Variants in ZNF676 observed in about 807,000 individuals in gnomAD.
The protein encoded by ZNF676 is zinc finger protein 676.
ZNF676 carries 4 observed loss-of-function variants against 6.0 expected under a neutral mutation model. That is an observed-to-expected ratio of 0.67 (90% CI 0.33 to 1.53). ZNF676 has a LOEUF of 1.53. Ranked by LOEUF, ZNF676 falls within the 40% of genes most tolerant of loss-of-function variation. The pLI is 0.06. For synonymous variants in ZNF676, 198 were observed against 223.1 expected (o/e 0.89, Z 1.00); for missense variants, 644 against 679.7 (o/e 0.95, Z 0.58).
the ZNF676 span, among the ~76,000 whole-genome samples, chr19:22,226,068 T>A: frequency 6.6e-6 from 1 of 152,134 alleles, no homozygotes; most frequent in Non-Finnish European, 1.5e-5. Context: ...AGCTATTTTT[T>A]ATATCTAAGT....
At chr19:22,253,655 C>A in the ZNF676 span, among the ~76,000 whole-genome samples, 3 of 151,784 alleles carry the variant, frequency 2.0e-5, no homozygotes, top group Admixed American at 1.3e-4. Flanking sequence ...ATCTAACTTG[C>A]CAGAATTAGA....
At position 22,180,238 on chromosome 19, in the gene ZNF676, A is replaced by G. The variant is rs778180958; in HGVS notation, c.1479T>C (p.Thr493=). Residue 493 remains threonine (T), a synonymous_variant, in exon 3 of 3, where the codon ACT becomes ACC. Coordinates refer to ENST00000397121, the MANE Select transcript of ZNF676 (RefSeq NM_001001411.3). The stretch of plus-strand genomic sequence containing the variant: ...CTCCAGTATGAATTATCTTATGTTT[A>G]GTAAGGATTGAGAACGTACTAAAGC... ...GKGFSTFSIL[T]KHKIIHTGEK... 13 of 1,613,388 alleles carry G rather than the reference A, an allele frequency of 8.1e-6. No individual in the cohort carries two copies. The East Asian group carries it at 2.5e-4, about 30-fold the overall frequency.
chr19:22,245,086 T>C, the ZNF676 span: 53 of 152,252 alleles, frequency 3.5e-4, no homozygotes, highest in African/African-American at 1.1e-3. Context: ...AATTTCTCGT[T>C]TGTCAGAGCC....
chr19:22,232,927 A>G, the ZNF676 span, among the ~76,000 whole-genome samples: 1 of 152,200 alleles, frequency 6.6e-6, no homozygotes, highest in African/African-American at 2.4e-5. Context: ...GAAGAAATAG[A>G]CACAGCAACT....
chr19:22,217,585 C>T (rs2024205540), upstream of ZNF676, among the ~76,000 whole-genome samples: 1 of 137,604 alleles, frequency 7.3e-6, no homozygotes, highest in Admixed American at 7.9e-5. Flanking sequence ...GGGTTTGTAT[C>T]CCCTAGTTCT....
At chr19:22,242,477 T>TCC in the ZNF676 span, among the ~76,000 whole-genome samples, 1 of 151,964 alleles carries the variant, frequency 6.6e-6, no homozygotes, top group South Asian at 2.1e-4. Context: ...TCACAAGGCC[T>TCC]CCTGTGGACA....
At chr19:22,194,303 C>T (rs1179005333) in intron 1 of ZNF676, among the ~76,000 whole-genome samples, 4 of 152,258 alleles carry the variant, frequency 2.6e-5, no homozygotes, top group Admixed American at 6.5e-5. Context: ...TGCAGAAATG[C>T]TTACCATAAT....
intron 2 of ZNF676, among the ~76,000 whole-genome samples, chr19:22,190,828 ATTAT>A (rs2023898458): frequency 6.6e-6 from 1 of 151,732 alleles, no homozygotes; most frequent in Admixed American, 6.6e-5. Context: ...AAAAGCAGAA[ATTAT>A]AAAGCAATTA....
In ZNF676 at chr19:22,180,393, T is replaced by A. The variant is rs1258634961; in HGVS notation, c.1324A>T (p.Ile442Phe). The part of the protein sequence containing the change: ...WSSSLTEHKR[I>F]HAGEKPYKCE... ...TTGTAGGGTTTCTCTCCAGCATGAA[T>A]TCTCTTGTGTTCAGTAAGGCTTGAG... Residue 442 changes from isoleucine (I) to phenylalanine (F), a missense_variant, in exon 3 of 3, where the codon ATT becomes TTT. By Grantham distance (21) the Ile-to-Phe change is conservative. Coordinates refer to ENST00000397121, the MANE Select transcript of ZNF676 (RefSeq NM_001001411.3). The A allele has an allele frequency of 7.4e-6, 12 of 1,613,758 alleles. No individual in the cohort carries two copies. The highest frequency in any genetic ancestry group is 1.3e-5 in the African/African-American group (1 of 74,876).
At chr19:22,256,187 A>G in the ZNF676 span, among the ~76,000 whole-genome samples, 1 of 152,250 alleles carries the variant, frequency 6.6e-6, no homozygotes, top group Non-Finnish European at 1.5e-5. Flanking sequence ...GAGAAGCAGC[A>G]TATCAACTGT....
At chr19:22,182,647 G>A (rs1599709833) in intron 2 of ZNF676, among the ~76,000 whole-genome samples, 1 of 110,188 alleles carries the variant, frequency 9.1e-6, no homozygotes, top group African/African-American at 3.6e-5. Flanking sequence ...AATACCATCA[G>A]CAAATCTGTC....
At chr19:22,197,899 A>G (rs1333111069), upstream of ZNF676, among the ~76,000 whole-genome samples, 2 of 152,160 alleles carry the variant, frequency 1.3e-5, no homozygotes, top group Non-Finnish European at 2.9e-5. Flanking sequence ...CCCCCTCTGA[A>G]AGGTAAATTA....
chr19:22,210,085 C>T (rs576568181), intron 1 of ZNF676, among the ~76,000 whole-genome samples: 1 of 152,110 alleles, frequency 6.6e-6, no homozygotes, highest in African/African-American at 2.4e-5. Context: ...GGGAGGAGAC[C>T]TGGAATCAAA....
the ZNF676 span, among the ~76,000 whole-genome samples, chr19:22,253,353 G>GGTGT: frequency 2.8e-5 from 3 of 105,846 alleles, no homozygotes; most frequent in African/African-American, 1.2e-4. Context: ...TATGATAATG[G>GGTGT]GTGTGTGTGT....
chr19:22,255,506 G>C, the ZNF676 span, among the ~76,000 whole-genome samples: 1 of 152,042 alleles, frequency 6.6e-6, no homozygotes, highest in Non-Finnish European at 1.5e-5. Flanking sequence ...CAATTTTCTG[G>C]GTTCAGATAG....
chr19:22,200,993 G>T (rs1311660832), upstream of ZNF676, among the ~76,000 whole-genome samples: 2 of 152,132 alleles, frequency 1.3e-5, no homozygotes, highest in African/African-American at 2.4e-5. Flanking sequence ...GTAGGTGATT[G>T]TGAGAGGGTT....
Position 22,214,598 on chromosome 19 carries a change from CAAA to C in ZNF676, c.3+1031_3+1033del, listed in dbSNP as rs71924274. On this transcript the variant is annotated intron_variant, in intron 1 of 3. Transcript: ENST00000650058. ...TGGGCGACAAAGTGAGACTTGGTCT[CAAA>C]AAAAAAAAAAAAAAAAATCTAATTC... 2.7e-3 allele frequency among the ~76,000 whole-genome samples: 233 copies of C among 86,956 alleles called. 3 individuals are homozygous for C. Among genetic ancestry groups the C allele is most frequent in the Middle Eastern group, 8.1e-3 (1 of 124 alleles). 57.0% of individuals were successfully genotyped at this position (86,956 alleles called of 152,430 possible). A position where few individuals can be genotyped will look rare whatever the true frequency, so the allele number is the denominator to read the frequency against.
In ZNF676 at chr19:22,189,107, A is replaced by G. The variant is rs1023801558; in HGVS notation, c.130+3909T>C. 3.4e-4 allele frequency among the ~76,000 whole-genome samples: 52 copies of G among 152,268 alleles called. 2 individuals are homozygous for G. Among genetic ancestry groups the G allele is most frequent in the Admixed American group, 2.7e-3 (41 of 15,286 alleles). ...ATCATGATACCTGACTTCAAATTAT[A>G]CTACAAGGCTACAGTAACCAAAACA... On this transcript the variant is annotated intron_variant, in intron 2 of 2. Coordinates refer to ENST00000397121, the MANE Select transcript of ZNF676 (RefSeq NM_001001411.3).
the ZNF676 span, among the ~76,000 whole-genome samples, chr19:22,239,959 C>T: frequency 1.3e-5 from 2 of 152,174 alleles, no homozygotes; most frequent in Non-Finnish European, 2.9e-5. Context: ...GAAAACCTGA[C>T]ATAGGTCACA....
Sources: gnomAD v4.1 joint callset for allele counts (sites outside exome capture counted in the v4.1 genomes callset) on GRCh38, gnomAD v4.1.1 for gene constraint, MANE v1.5 for transcripts, NCBI Gene and HGNC (gene_info 2026-07-23, HGNC 2026-07-21) for gene names.